Variants in GPR158 observed in about 807,000 individuals in gnomAD.
GPR158 encodes G protein-coupled receptor 158.
In GPR158, 30 loss-of-function variants were observed where a neutral mutation model predicts 78.2. The observed-to-expected ratio is 0.38, with a 90% CI of 0.29 to 0.52. The LOEUF is 0.52. Ranked by LOEUF, GPR158 falls within the 20% of genes least tolerant of loss-of-function variation. GPR158 has a pLI of 0.83. For synonymous variants in GPR158, 581 were observed against 591.1 expected (o/e 0.98, Z 0.25); for missense variants, 1,463 against 1,523.5 (o/e 0.96, Z 0.66).
At chr10:25,380,276 T>G (rs1367599997) in intron 2 of GPR158, among the ~76,000 whole-genome samples, 2 of 152,184 alleles carry the variant, frequency 1.3e-5, no homozygotes, top group African/African-American at 4.8e-5. Context: ...GTAATCATTA[T>G]CCTGAATTTT....
At chr10:25,460,659 AC>A (rs2130611586) in intron 4 of GPR158, among the ~76,000 whole-genome samples, 1 of 152,342 alleles carries the variant, frequency 6.6e-6, no homozygotes, top group South Asian at 2.1e-4. Context: ...CTGGAAACAA[AC>A]AAACAAACAT....
chr10:25,179,282 A>G (rs907570322), intron 1 of GPR158, among the ~76,000 whole-genome samples: 5 of 152,214 alleles, frequency 3.3e-5, no homozygotes, highest in African/African-American at 9.6e-5. Context: ...AGCCCTGATC[A>G]TGATTTGAAA....
At chr10:25,352,428 C>T (rs533317780) in intron 2 of GPR158, among the ~76,000 whole-genome samples, 1 of 152,002 alleles carries the variant, frequency 6.6e-6, no homozygotes, top group East Asian at 1.9e-4. Flanking sequence ...GGCATTCATC[C>T]TTGCATTAAA....
At chr10:25,548,710 C>T (rs1836694854) in intron 5 of GPR158, among the ~76,000 whole-genome samples, 1 of 152,184 alleles carries the variant, frequency 6.6e-6, no homozygotes, top group South Asian at 2.1e-4. Flanking sequence ...TTGCCTGAGG[C>T]ACATGCAGAC....
intron 2 of GPR158, among the ~76,000 whole-genome samples, chr10:25,228,652 TAA>T (rs1038590995): frequency 5.9e-5 from 9 of 152,158 alleles, no homozygotes; most frequent in African/African-American, 2.2e-4. Flanking sequence ...AGAGGCTTGG[TAA>T]GAAGCAGCCA....
chr10:25,230,201 A>ATG (rs1472593234), intron 2 of GPR158, among the ~76,000 whole-genome samples: 1 of 152,228 alleles, frequency 6.6e-6, no homozygotes, highest in African/African-American at 2.4e-5. Flanking sequence ...AAGATCCTGA[A>ATG]TGTGAATCAA....
intron 2 of GPR158, among the ~76,000 whole-genome samples, chr10:25,333,567 A>G (rs74123858): frequency 0.073 from 11,147 of 152,164 alleles, 718 homozygotes; most frequent in African/African-American, 0.16. Flanking sequence ...GTAATGACGC[A>G]CTTGTCCCAC....
chr10:25,409,729 T>A (rs140717182), intron 3 of GPR158, among the ~76,000 whole-genome samples: 69 of 152,336 alleles, frequency 4.5e-4, no homozygotes, highest in African/African-American at 1.6e-3. Flanking sequence ...AGTTTTCTCA[T>A]ATAATTCCTC....
At chr10:25,515,891 G>A (rs879557645) in intron 5 of GPR158, among the ~76,000 whole-genome samples, 3,747 of 150,926 alleles carry the variant, frequency 0.025, 91 homozygotes, top group African/African-American at 0.052. Flanking sequence ...ACCCAGTAAT[G>A]GGATGGCTGG....
At chr10:25,228,212 C>G (rs1853400318) in intron 2 of GPR158, among the ~76,000 whole-genome samples, 1 of 152,080 alleles carries the variant, frequency 6.6e-6, no homozygotes, top group South Asian at 2.1e-4. Flanking sequence ...AAGTTCGAGG[C>G]TGCAGTGAGT....
At chr10:25,470,808 T>C (rs1588878095) in intron 5 of GPR158, among the ~76,000 whole-genome samples, 1 of 152,286 alleles carries the variant, frequency 6.6e-6, no homozygotes, top group East Asian at 1.9e-4. Context: ...ATGACCTCAG[T>C]AACCTGATGA....
intron 5 of GPR158, among the ~76,000 whole-genome samples, chr10:25,468,507 T>C (rs1287826537): frequency 6.6e-6 from 1 of 152,214 alleles, no homozygotes; most frequent in African/African-American, 2.4e-5. Flanking sequence ...AAAGTTGGTA[T>C]GTATGCGTAA....
intron 5 of GPR158, among the ~76,000 whole-genome samples, chr10:25,472,577 G>T (rs947959701): frequency 2.6e-5 from 4 of 152,146 alleles, no homozygotes; most frequent in Non-Finnish European, 4.4e-5. Context: ...TCACGATATT[G>T]ACTCTTCCTA....
intron 2 of GPR158, among the ~76,000 whole-genome samples, chr10:25,347,111 G>T (rs957995484): frequency 6.6e-6 from 1 of 151,964 alleles, no homozygotes; most frequent in Non-Finnish European, 1.5e-5. Flanking sequence ...TGGTTCTGTA[G>T]GTTAGAAGTT....
chr10:25,254,845 CTAATGACT>C (rs1455992692), intron 2 of GPR158, among the ~76,000 whole-genome samples: 1 of 152,172 alleles, frequency 6.6e-6, no homozygotes, highest in African/African-American at 2.4e-5. Flanking sequence ...TTGGAAGTAT[CTAATGACT>C]AGACACATTC....
intron 3 of GPR158, among the ~76,000 whole-genome samples, chr10:25,398,410 A>G (rs1834396938): frequency 6.6e-6 from 1 of 152,184 alleles, no homozygotes; most frequent in Non-Finnish European, 1.5e-5. Flanking sequence ...GACATAACAT[A>G]TGATTCAACA....
At chr10:25,231,692 A>G (rs536536782) in intron 2 of GPR158, among the ~76,000 whole-genome samples, 7 of 152,344 alleles carry the variant, frequency 4.6e-5, no homozygotes, top group East Asian at 1.9e-4. Flanking sequence ...CTCCTAGTAG[A>G]GAATTAGAAC....
intron 4 of GPR158, among the ~76,000 whole-genome samples, chr10:25,428,809 C>T (rs757024391): frequency 1.5e-4 from 23 of 152,044 alleles, no homozygotes; most frequent in South Asian, 2.1e-4. Context: ...TGTAACGCGA[C>T]GCTTGATTTT....
rs1200800534 is a variant in GPR158 at position 25,600,864 on chromosome 10, T to G, written c.*1590T>G. 1 of 152,164 alleles carries G rather than the reference T, an allele frequency of 6.6e-6. No homozygotes were observed. The highest frequency in any genetic ancestry group is 2.4e-5 in the African/African-American group (1 of 41,440). The allele number at this position is 152,164 out of a possible 1,614,324, so 9.4% of individuals were successfully genotyped here. A position where few individuals can be genotyped will look rare whatever the true frequency, so the allele number is the denominator to read the frequency against. On this transcript the variant is annotated 3_prime_UTR_variant, in exon 11 of 11. Coordinates refer to ENST00000376351, the MANE Select transcript of GPR158 (RefSeq NM_020752.3). ...ATCTCTTGGCATGGGAATCCTAAGC[T>G]GCCGACTAAGCCCTACCGACATGAT...
Sources: allele counts gnomAD v4.1 joint callset (sites outside exome capture counted in the v4.1 genomes callset), GRCh38; gene constraint gnomAD v4.1.1; transcripts MANE v1.5; gene names NCBI Gene and HGNC (gene_info 2026-07-23, HGNC 2026-07-21).